Variants in MED26 observed in about 807,000 individuals in gnomAD.
The protein encoded by MED26 is mediator complex subunit 26.
MED26 carries 7 observed loss-of-function variants against 43.7 expected under a neutral mutation model. The observed-to-expected ratio is 0.16, with a 90% confidence interval of 0.09 to 0.30. The LOEUF is 0.30. Among genes scored for constraint, MED26 ranks in the 10% least tolerant of loss-of-function variants. The probability of loss-of-function intolerance (pLI) is 1.00; values close to 1 mark genes in which losing one functional copy is unlikely to be tolerated. For missense variants in MED26, 784 were observed against 840.6 expected (o/e 0.93, Z 0.83); for synonymous variants, 375 against 371.1 (o/e 1.01, Z -0.12).
At chr19:16,618,095 C>T (rs896007520) in intron 1 of MED26, among the ~76,000 whole-genome samples, 6 of 152,132 alleles carry the variant, frequency 3.9e-5, no homozygotes, top group African/African-American at 4.8e-5. Context: ...TACGAGTTTC[C>T]GGTTACCCAG....
intron 2 of MED26, 196 bp downstream of exon 2, chr19:16,578,139 G>T: frequency 1.6e-6 from 1 of 616,774 alleles, no homozygotes; most frequent in Non-Finnish European, 2.9e-6. Context: ...CATGTAGGAT[G>T]GGAGTAACAC....
intron 1 of MED26, among the ~76,000 whole-genome samples, chr19:16,605,585 A>G (rs2086168815): frequency 6.6e-6 from 1 of 152,250 alleles, no homozygotes; most frequent in African/African-American, 2.4e-5. Context: ...CAGAGAGAGC[A>G]GCAGGAAAGG....
At chr19:16,584,022 A>G (rs2086058665) in intron 1 of MED26, among the ~76,000 whole-genome samples, 1 of 152,106 alleles carries the variant, frequency 6.6e-6, no homozygotes, top group Admixed American at 6.6e-5. Context: ...GGAGGGGACA[A>G]CTTCTCGCCC....
chr19:16,578,533 G>A (rs1042532844), intron 1 of MED26, 124 bp from the exon 2 acceptor site: 1 of 838,274 alleles, frequency 1.2e-6, no homozygotes, highest in South Asian at 1.6e-5. Context: ...CAGCACTGAA[G>A]CCCCCACTCC....
chr19:16,601,794 C>A (rs2086150907), intron 1 of MED26, among the ~76,000 whole-genome samples: 2 of 152,254 alleles, frequency 1.3e-5, no homozygotes, highest in African/African-American at 4.8e-5. Flanking sequence ...TCCCGGCAGG[C>A]CACCCCGGGC....
chr19:16,580,883 GC>G (rs2086041791), intron 1 of MED26, among the ~76,000 whole-genome samples: 1 of 152,154 alleles, frequency 6.6e-6, no homozygotes, highest in Non-Finnish European at 1.5e-5. Flanking sequence ...GGCAGGGCCT[GC>G]CCAGATGATC....
chr19:16,577,375 T>A lies in MED26; in HGVS notation c.455A>T (p.Asp152Val). The change falls in exon 3 of 3, where the codon GAC becomes GTC. Residue 152 changes from aspartate (D) to valine (V), a missense_variant. Transcript: ENST00000263390. The surrounding 1 kb of genome is among the most constrained non-coding windows in gnomAD (Gnocchi z 8.1). ...CCCTGGGTGGCCGAGGTCACGCTGG[T>A]CACCCCGGCGCTTGCGGCTGCCCAG... ...DRLGSRKRRG[D>V]QRDLGHPGPP... The A allele has an allele frequency of 6.2e-7, 1 of 1,610,688 alleles. No homozygotes were observed. The highest frequency in any genetic ancestry group is 8.5e-7 in the Non-Finnish European group (1 of 1,178,818).
In MED26 at chr19:16,575,877, C is replaced by T. The variant is rs1288502177; in HGVS notation, c.*150G>A. 5 of 645,266 alleles carry T rather than the reference C, an allele frequency of 7.7e-6. No homozygotes were observed. Among genetic ancestry groups the T allele is most frequent in the East Asian group, 2.7e-5 (1 of 36,468 alleles). 40.0% of individuals were successfully genotyped at this position (645,266 alleles called of 1,614,324 possible). On this transcript the variant is annotated 3_prime_UTR_variant, in exon 3 of 3. Transcript: ENST00000263390. The stretch of plus-strand genomic sequence containing the variant: ...TTTTGAGGGAAGAGCGCAGAGAGAC[C>T]GCGTGACTCCCGCCCCCTCCCTCCC...
intron 1 of MED26, among the ~76,000 whole-genome samples, chr19:16,613,406 C>T (rs144802848): frequency 3.9e-5 from 6 of 152,232 alleles, no homozygotes; most frequent in Middle Eastern, 3.4e-3. Context: ...TGTCAGAGGC[C>T]GTGTCTGGCT....
chr19:16,590,775 C>T (rs1224291084), intron 1 of MED26, among the ~76,000 whole-genome samples: 1 of 152,096 alleles, frequency 6.6e-6, no homozygotes, highest in Admixed American at 6.6e-5. Context: ...CAGCGGCTCA[C>T]ACCTGTAATC....
At chr19:16,608,382 T>C (rs934785741) in intron 1 of MED26, among the ~76,000 whole-genome samples, 9 of 152,246 alleles carry the variant, frequency 5.9e-5, no homozygotes, top group Non-Finnish European at 8.8e-5. Flanking sequence ...GTTTCTGAGG[T>C]TATTCATGAC....
intron 1 of MED26, among the ~76,000 whole-genome samples, chr19:16,584,321 C>CAA (rs973418648): frequency 7.4e-6 from 1 of 135,010 alleles, no homozygotes; most frequent in Non-Finnish European, 1.6e-5. Flanking sequence ...CAAAAAAAAA[C>CAA]AAAAAACAAA....
chr19:16,584,370 T>C (rs1162762695), intron 1 of MED26, among the ~76,000 whole-genome samples: 6 of 151,884 alleles, frequency 4.0e-5, no homozygotes, highest in African/African-American at 1.5e-4. Flanking sequence ...CTGGCACCTT[T>C]GTCCCCAGAG....
At chr19:16,622,711 A>C (rs1386493237) in intron 1 of MED26, among the ~76,000 whole-genome samples, 1 of 152,234 alleles carries the variant, frequency 6.6e-6, no homozygotes, top group Non-Finnish European at 1.5e-5. Context: ...CAAAGGAACC[A>C]GGCAGACGTG....
chr19:16,610,707 T>C (rs2086195853), intron 1 of MED26: 1 of 152,218 alleles, frequency 6.6e-6, no homozygotes, highest in African/African-American at 2.4e-5. Flanking sequence ...ATTTCTATGG[T>C]AGAAACAGCA....
intron 1 of MED26, among the ~76,000 whole-genome samples, chr19:16,589,988 C>G (rs1285162352): frequency 6.6e-6 from 1 of 152,256 alleles, no homozygotes; most frequent in Non-Finnish European, 1.5e-5. Context: ...CTACAACACA[C>G]AGTGATGCAA....
intron 1 of MED26, among the ~76,000 whole-genome samples, chr19:16,620,877 G>A (rs1222667246): frequency 3.3e-5 from 5 of 152,144 alleles, no homozygotes; most frequent in African/African-American, 7.2e-5. Context: ...TTCTGTCCTC[G>A]AATTTTCTTT....
chr19:16,585,310 C>T (rs1012065727), intron 1 of MED26, among the ~76,000 whole-genome samples: 16 of 152,128 alleles, frequency 1.1e-4, no homozygotes, highest in South Asian at 2.1e-4. Context: ...CACGCTAGGT[C>T]GACAGTTCCT....
chr19:16,593,060 G>C (rs975213722), intron 1 of MED26, among the ~76,000 whole-genome samples: 2 of 152,212 alleles, frequency 1.3e-5, no homozygotes, highest in Non-Finnish European at 2.9e-5. Context: ...CACCAATCCA[G>C]ACACCAGCAC....
Sources: gnomAD v4.1 joint callset for allele counts (sites outside exome capture counted in the v4.1 genomes callset) on GRCh38, gnomAD v4.1.1 for gene constraint, Gnocchi (gnomAD v3.1) non-coding constraint, MANE v1.5 for transcripts, NCBI Gene and HGNC (gene_info 2026-07-23, HGNC 2026-07-21) for gene names.